Variants in PRR16 observed in about 807,000 individuals in gnomAD.
PRR16 encodes the protein proline rich 16.
Under a neutral mutation model 18.2 loss-of-function variants are expected in PRR16, and 6 were observed. The observed-to-expected ratio is 0.33, with a 90% CI of 0.18 to 0.65. PRR16 has a LOEUF of 0.65. Among genes scored for constraint, PRR16 ranks in the 30% least tolerant of loss-of-function variants. PRR16 has a pLI of 0.74. For synonymous variants in PRR16, 151 were observed against 147.8 expected (o/e 1.02, Z -0.16); for missense variants, 412 against 376.6 (o/e 1.09, Z -0.78).
intron 1 of PRR16, among the ~76,000 whole-genome samples, chr5:120,489,415 T>A (rs1188345482): frequency 6.6e-6 from 1 of 152,226 alleles, no homozygotes; most frequent in Non-Finnish European, 1.5e-5. Flanking sequence ...AATGGCCTTC[T>A]TTGTCTCTTT....
downstream of PRR16, among the ~76,000 whole-genome samples, chr5:120,689,352 C>A (rs1757183164): frequency 6.6e-6 from 1 of 152,086 alleles, no homozygotes. Flanking sequence ...TATTTGTCTG[C>A]AAACTTGTAA....
chr5:120,676,267 G>A (rs1756792214), intron 1 of PRR16, among the ~76,000 whole-genome samples: 1 of 152,038 alleles, frequency 6.6e-6, no homozygotes, highest in Non-Finnish European at 1.5e-5. Flanking sequence ...TATTTTGACT[G>A]GTGAGATGTA....
the PRR16 span, among the ~76,000 whole-genome samples, chr5:120,722,301 C>T: frequency 6.6e-6 from 1 of 151,926 alleles, no homozygotes; most frequent in Non-Finnish European, 1.5e-5. Context: ...CTGATACTAT[C>T]GTTCTGTATA....
chr5:120,675,611 G>A (rs1756768690), intron 1 of PRR16, among the ~76,000 whole-genome samples: 1 of 152,028 alleles, frequency 6.6e-6, no homozygotes, highest in African/African-American at 2.4e-5. Flanking sequence ...AGTTTTCTGA[G>A]TTTATTACTA....
intron 1 of PRR16, among the ~76,000 whole-genome samples, chr5:120,541,730 A>C (rs535299146): frequency 1.3e-5 from 2 of 152,296 alleles, no homozygotes; most frequent in East Asian, 3.9e-4. Flanking sequence ...GTCTTTGGAA[A>C]GAATTGTGGC....
chr5:120,517,072 A>C (rs1274849812), intron 1 of PRR16, among the ~76,000 whole-genome samples: 1 of 152,184 alleles, frequency 6.6e-6, no homozygotes, highest in Non-Finnish European at 1.5e-5. Context: ...TCAGAGTAAA[A>C]AATTGCTAGC....
chr5:120,571,586 G>T (rs936326072), intron 1 of PRR16, among the ~76,000 whole-genome samples: 2 of 152,074 alleles, frequency 1.3e-5, no homozygotes, highest in Admixed American at 1.3e-4. Flanking sequence ...TGGATGATTT[G>T]TAAAGAGAAT....
the PRR16 span, among the ~76,000 whole-genome samples, chr5:120,754,365 TATATA>T: frequency 1.5e-4 from 9 of 58,946 alleles, no homozygotes; most frequent in Admixed American, 2.9e-4. Context: ...TGTATATAAA[TATATA>T]ATATATAACA....
chr5:120,731,898 A>C, the PRR16 span, among the ~76,000 whole-genome samples: 2 of 152,186 alleles, frequency 1.3e-5, no homozygotes, highest in African/African-American at 4.8e-5. Context: ...CACTGGTGAT[A>C]ACTATGTAGA....
chr5:120,782,590 A>AAGTT, the PRR16 span, among the ~76,000 whole-genome samples: 1 of 152,042 alleles, frequency 6.6e-6, no homozygotes, highest in African/African-American at 2.4e-5. Context: ...CTGCAGTCAT[A>AAGTT]AGTTACAAGG....
At chr5:120,619,322 T>A (rs1267710405) in intron 1 of PRR16, among the ~76,000 whole-genome samples, 2 of 152,174 alleles carry the variant, frequency 1.3e-5, no homozygotes, top group Non-Finnish European at 2.9e-5. Flanking sequence ...TGAATAAAAA[T>A]GATGAATTGA....
the PRR16 span, among the ~76,000 whole-genome samples, chr5:120,754,676 A>C: frequency 7.2e-6 from 1 of 138,216 alleles, no homozygotes; most frequent in Non-Finnish European, 1.5e-5. Context: ...GAATATTTTT[A>C]GAAATATTGT....
At chr5:120,753,923 TATAA>T in the PRR16 span, among the ~76,000 whole-genome samples, 5 of 40,262 alleles carry the variant, frequency 1.2e-4, no homozygotes, top group Non-Finnish European at 2.2e-4. Flanking sequence ...TATAAATGTA[TATAA>T]ATATTATATA....
intron 1 of PRR16, among the ~76,000 whole-genome samples, chr5:120,509,318 C>G (rs1750747297): frequency 6.6e-6 from 1 of 151,996 alleles, no homozygotes; most frequent in Admixed American, 6.6e-5. Context: ...GTCTGTAGAA[C>G]TGTTTACAAC....
At chr5:120,468,619 T>C (rs763110077) in intron 1 of PRR16, among the ~76,000 whole-genome samples, 1 of 152,226 alleles carries the variant, frequency 6.6e-6, no homozygotes, top group Non-Finnish European at 1.5e-5. Flanking sequence ...AATAATCTAA[T>C]GCCTTTGAGT....
chr5:120,628,736 A>G (rs901822501), intron 1 of PRR16, among the ~76,000 whole-genome samples: 4 of 141,118 alleles, frequency 2.8e-5, no homozygotes, highest in Admixed American at 1.5e-4. Context: ...CTATCTATCT[A>G]TCTATCTATC....
intron 1 of PRR16, among the ~76,000 whole-genome samples, chr5:120,490,346 C>T (rs950578317): frequency 2.6e-5 from 4 of 152,018 alleles, no homozygotes; most frequent in African/African-American, 7.2e-5. Flanking sequence ...AGGCTTTGTT[C>T]GTTTCTTTTT....
At chr5:120,756,100 GATTGGTTGCCTGAGGGAACCA>G in the PRR16 span, among the ~76,000 whole-genome samples, 1 of 152,118 alleles carries the variant, frequency 6.6e-6, no homozygotes, top group Non-Finnish European at 1.5e-5. Flanking sequence ...GTAAATGTCT[GATTGGTTGCCTGAGGGAACCA>G]ATCAGAGAAT....
the PRR16 span, among the ~76,000 whole-genome samples, chr5:120,727,108 A>T: frequency 6.6e-6 from 1 of 151,804 alleles, no homozygotes; most frequent in Admixed American, 6.6e-5. Context: ...TCTGTCCCGA[A>T]ATTTTCTCCT....
Sources: allele counts gnomAD v4.1 joint callset (sites outside exome capture counted in the v4.1 genomes callset), GRCh38; gene constraint gnomAD v4.1.1; transcripts MANE v1.5; gene names NCBI Gene and HGNC (gene_info 2026-07-23, HGNC 2026-07-21).